SETBP1: variants seen among roughly 807,000 people sequenced by gnomAD.
SETBP1 encodes the protein SET binding protein 1, also known as SET-binding protein.
A neutral mutation model predicts 101.0 loss-of-function variants in SETBP1; 9 were observed. The ratio of observed to expected loss-of-function variants is 0.09; its 90% CI spans 0.05 to 0.16. SETBP1 has a LOEUF of 0.16. Ranked by LOEUF, SETBP1 falls within the 10% of genes least tolerant of loss-of-function variation. The pLI is 1.00. For missense variants in SETBP1, 1,858 were observed against 2,033.8 expected, an observed-to-expected ratio of 0.91 and a Z score of 1.66; for synonymous variants, 818 against 788.5, an observed-to-expected ratio of 1.04 and a Z score of -0.63.
In SETBP1 at chr18:44,950,626, A is replaced by C; in HGVS notation, c.1286A>C (p.Glu429Ala). The change falls in exon 4 of 6, where the codon GAA becomes GCA. Residue 429 changes from glutamate to alanine, a missense_variant. Physicochemically the swap from Glu to Ala is moderately radical, Grantham distance 107. Coordinates refer to ENST00000649279, the MANE Select transcript of SETBP1 (RefSeq NM_015559.3). ...KKRQSIKAVV[E>A]KIMPEKALAS... The stretch of plus-strand genomic sequence containing the variant: ...AGACAGTCCATTAAAGCGGTGGTGG[A>C]AAAGATCATGCCAGAGAAAGCCTTG... 2 of 1,614,104 alleles carry C rather than the reference A, an allele frequency of 1.2e-6. No homozygotes were observed.
chr18:45,012,463 T>C (rs910567531), intron 4 of SETBP1, among the ~76,000 whole-genome samples: 1 of 152,088 alleles, frequency 6.6e-6, no homozygotes, highest in Non-Finnish European at 1.5e-5. Context: ...TGTGAGAGCC[T>C]CATAAAGGAA....
intron 3 of SETBP1, among the ~76,000 whole-genome samples, chr18:44,927,272 T>G (rs1374316988): frequency 6.6e-6 from 1 of 152,192 alleles, no homozygotes; most frequent in East Asian, 1.9e-4. Flanking sequence ...TATGACCTAA[T>G]GTAGCTCTGC....
At chr18:44,962,766 G>A (rs2071638622) in intron 4 of SETBP1, among the ~76,000 whole-genome samples, 1 of 152,210 alleles carries the variant, frequency 6.6e-6, no homozygotes. Flanking sequence ...GAGGTCAACA[G>A]AGTAGAGCAG....
At chr18:45,049,101 T>C (rs1294455084) in intron 5 of SETBP1, among the ~76,000 whole-genome samples, 1 of 151,160 alleles carries the variant, frequency 6.6e-6, no homozygotes. Context: ...TTTAAATGAA[T>C]AGATCGAATA....
Position 44,950,392 on chromosome 18 carries a change from A to C in SETBP1, c.1052A>C (p.Asp351Ala). The change falls in exon 4 of 6, where the codon GAC becomes GCC. Residue 351 changes from aspartate to alanine, a missense_variant. Coordinates refer to ENST00000649279, the MANE Select transcript of SETBP1 (RefSeq NM_015559.3). The part of the protein sequence containing the change: ...DVISQTIPNP[D>A]LDWVKNAQKA... ...ATAAGTCAGACCATACCAAACCCAGACCTGGATTGGGTCAAGAATGCCCAG... is the reference window on the plus strand; with the variant it reads ...ATAAGTCAGACCATACCAAACCCAGCCCTGGATTGGGTCAAGAATGCCCAG... 6.2e-7 allele frequency: 1 copy of C among 1,614,082 alleles called. No homozygotes were observed. The highest frequency in any genetic ancestry group is 2.2e-5 in the East Asian group (1 of 44,874).
intron 3 of SETBP1, among the ~76,000 whole-genome samples, chr18:44,932,868 G>A (rs892030523): frequency 2.0e-5 from 3 of 152,108 alleles, no homozygotes; most frequent in African/African-American, 7.2e-5. Context: ...AAGGTTTTTA[G>A]CTTCTTTGCA....
rs367587165 is a variant in SETBP1, at chr18:44,724,589, T to C, written c.486+22757T>C. 2.6e-5 allele frequency among the ~76,000 whole-genome samples: 4 copies of C among 152,196 alleles called. No homozygotes were observed. The East Asian group carries it at 7.7e-4, about 29-fold the overall frequency. On this transcript the variant is annotated intron_variant, in intron 2 of 5. Transcript: ENST00000649279. The stretch of plus-strand genomic sequence containing the variant: ...AGCACAGCTCTTGTTCTGATTGCTT[T>C]AGGGGCATCACTGTACCTCTTGTGG...
intron 2 of SETBP1, among the ~76,000 whole-genome samples, chr18:44,817,399 T>G (rs2072002549): frequency 6.6e-6 from 1 of 151,982 alleles, no homozygotes. Flanking sequence ...TCTAGCCCAG[T>G]AAAGAGCTTC....
chr18:44,974,923 A>G (rs1236815781), intron 4 of SETBP1, among the ~76,000 whole-genome samples: 1 of 152,192 alleles, frequency 6.6e-6, no homozygotes, highest in African/African-American at 2.4e-5. Context: ...CCTGTGAGTG[A>G]TTCTTTTTAA....
At chr18:44,765,186 T>G (rs549604236) in intron 2 of SETBP1, among the ~76,000 whole-genome samples, 1 of 152,234 alleles carries the variant, frequency 6.6e-6, no homozygotes, top group South Asian at 2.1e-4. Flanking sequence ...GTGTGTTGAA[T>G]GGGTGCTGAT....
rs1599371955 is a variant in SETBP1, at chr18:44,953,416, G to T, written c.4000+76G>T. The T allele has an allele frequency of 2.3e-6, 3 of 1,317,310 alleles. No individual in the cohort carries two copies. In the East Asian group the frequency reaches 7.2e-5, roughly 32 times the overall value. 81.6% of individuals were successfully genotyped at this position (1,317,310 alleles called of 1,614,324 possible). A position where few individuals can be genotyped will look rare whatever the true frequency, so the allele number is the denominator to read the frequency against. On this transcript the variant is annotated intron_variant, in intron 4 of 5. Transcript: ENST00000649279. The stretch of plus-strand genomic sequence containing the variant: ...GCTTTGCACCTCAGACACATCTGTG[G>T]CACATTGTGTTCACTAGTTTGCAAA...
chr18:44,710,570 GCC>G (rs1250810286), intron 2 of SETBP1, among the ~76,000 whole-genome samples: 4 of 148,614 alleles, frequency 2.7e-5, no homozygotes, highest in African/African-American at 9.9e-5. Context: ...TCCTGCCTCA[GCC>G]TCCCAAGTAG....
At chr18:44,683,466 C>T (rs939415932) in intron 1 of SETBP1, among the ~76,000 whole-genome samples, 4 of 152,212 alleles carry the variant, frequency 2.6e-5, no homozygotes, top group African/African-American at 9.6e-5. Context: ...TAGGTAGGTA[C>T]TTTCCCCTGG....
intron 2 of SETBP1, among the ~76,000 whole-genome samples, chr18:44,713,651 C>T (rs1312165116): frequency 6.6e-6 from 1 of 152,196 alleles, no homozygotes; most frequent in African/African-American, 2.4e-5. Context: ...AACATGACCC[C>T]AAGCTGTACC....
chr18:44,680,823 T>C (rs1598982184), upstream of SETBP1: 1 of 143,378 alleles, frequency 7.0e-6, no homozygotes, highest in Admixed American at 6.9e-5. Context: ...GTTGGTGGAG[T>C]GGACTCGGGA....
intron 3 of SETBP1, among the ~76,000 whole-genome samples, chr18:44,897,176 G>T (rs925031858): frequency 6.6e-6 from 1 of 152,120 alleles, no homozygotes; most frequent in East Asian, 1.9e-4. Context: ...AGTTCTGCGG[G>T]GTCCTTTGGG....
chr18:45,045,112 T>A (rs1402781884), intron 5 of SETBP1, among the ~76,000 whole-genome samples: 1 of 150,622 alleles, frequency 6.6e-6, no homozygotes, highest in Non-Finnish European at 1.5e-5. Flanking sequence ...TGAAACCCCG[T>A]CTTTACTAAA....
chr18:45,035,756 A>G (rs997810192), intron 4 of SETBP1, among the ~76,000 whole-genome samples: 2 of 152,230 alleles, frequency 1.3e-5, no homozygotes, highest in African/African-American at 4.8e-5. Flanking sequence ...TGCAAAAGAA[A>G]TCTGACCGCT....
At chr18:44,882,291 T>G (rs1470567650) in intron 3 of SETBP1, among the ~76,000 whole-genome samples, 1 of 152,118 alleles carries the variant, frequency 6.6e-6, no homozygotes, top group Non-Finnish European at 1.5e-5. Flanking sequence ...ATTCTCCATT[T>G]ATACCCTCAG....
Sources: gnomAD v4.1 joint callset for allele counts (sites outside exome capture counted in the v4.1 genomes callset) on GRCh38, gnomAD v4.1.1 for gene constraint, MANE v1.5 for transcripts, NCBI Gene and HGNC (gene_info 2026-07-23, HGNC 2026-07-21) for gene names.